Variants in TENM3 observed in about 807,000 individuals in gnomAD.
TENM3 encodes the protein teneurin-3.
In TENM3, 63 loss-of-function variants were observed where a neutral mutation model predicts 255.1. The observed-to-expected ratio is 0.25, with a 90% confidence interval of 0.20 to 0.30. The LOEUF (loss-of-function observed/expected upper bound fraction) is 0.30, where lower values mean the gene tolerates loss of function less well. Ranked by LOEUF, TENM3 falls within the 10% of genes least tolerant of loss-of-function variation. The probability of loss-of-function intolerance (pLI) is 1.00; values close to 1 mark genes in which losing one functional copy is unlikely to be tolerated. For missense variants in TENM3, 2,929 were observed against 3,461.1 expected (o/e 0.85, Z 3.86); for synonymous variants, 1,306 against 1,322.3 (o/e 0.99, Z 0.27).
At chr4:182,651,202 T>C (rs568675957) in intron 5 of TENM3, among the ~76,000 whole-genome samples, 42 of 152,178 alleles carry the variant, frequency 2.8e-4, no homozygotes, top group Non-Finnish European at 5.6e-4. Flanking sequence ...TTTTACTCTA[T>C]GCAAAACTAA....
intron 1 of TENM3, among the ~76,000 whole-genome samples, chr4:182,315,944 CT>C (rs1762726177): frequency 6.6e-6 from 1 of 152,066 alleles, no homozygotes; most frequent in African/African-American, 2.4e-5. Context: ...CTTTAGCCTT[CT>C]TTTTATATAT....
At chr4:181,946,975 A>G in the TENM3 span, among the ~76,000 whole-genome samples, 1 of 152,208 alleles carries the variant, frequency 6.6e-6, no homozygotes, top group Non-Finnish European at 1.5e-5. Context: ...CTGAGTTCAA[A>G]TCCCATGTAA....
At chr4:182,484,988 C>T (rs1341261926) in intron 3 of TENM3, among the ~76,000 whole-genome samples, 3 of 152,106 alleles carry the variant, frequency 2.0e-5, no homozygotes, top group Admixed American at 2.0e-4. Context: ...TAGAAAGATA[C>T]ATAGTACCTT....
intron 3 of TENM3, among the ~76,000 whole-genome samples, chr4:182,585,526 T>C (rs554696454): frequency 6.6e-6 from 1 of 152,258 alleles, no homozygotes; most frequent in Admixed American, 6.5e-5. Context: ...TCCCCTGCTG[T>C]CTGCCTCGCC....
chr4:182,013,999 T>C, the TENM3 span, among the ~76,000 whole-genome samples: 11 of 74,488 alleles, frequency 1.5e-4, no homozygotes, highest in African/African-American at 5.1e-4. Context: ...TATATACACA[T>C]ATATACGTAT....
the TENM3 span, among the ~76,000 whole-genome samples, chr4:181,817,669 G>T: frequency 1.3e-5 from 2 of 152,130 alleles, no homozygotes; most frequent in Admixed American, 1.3e-4. Flanking sequence ...GCTTATAAAA[G>T]GGTCTGATGG....
chr4:181,887,929 C>T, the TENM3 span, among the ~76,000 whole-genome samples: 1 of 152,130 alleles, frequency 6.6e-6, no homozygotes, highest in African/African-American at 2.4e-5. Flanking sequence ...TATATGTACA[C>T]ATGAGAAAAA....
At chr4:182,203,241 G>T (rs189522821) in intron 1 of TENM3, among the ~76,000 whole-genome samples, 1 of 151,356 alleles carries the variant, frequency 6.6e-6, no homozygotes, top group East Asian at 1.9e-4. Flanking sequence ...AAAAAGAAAA[G>T]AAAATGGGCT....
chr4:182,047,064 A>G, the TENM3 span, among the ~76,000 whole-genome samples: 2 of 151,898 alleles, frequency 1.3e-5, no homozygotes, highest in South Asian at 4.2e-4. Context: ...TGTTGAAGTC[A>G]TCTTTCTTGT....
At chr4:181,683,337 C>A in the TENM3 span, among the ~76,000 whole-genome samples, 1 of 152,156 alleles carries the variant, frequency 6.6e-6, no homozygotes, top group African/African-American at 2.4e-5. Context: ...GTCAAGCATT[C>A]TGACCCTAAA....
intron 24 of TENM3, among the ~76,000 whole-genome samples, chr4:182,787,653 G>C (rs1163810657): frequency 1.4e-5 from 2 of 144,332 alleles, no homozygotes; most frequent in African/African-American, 5.1e-5. Context: ...AGAATGGCTT[G>C]AACCCCGGGA....
intron 5 of TENM3, among the ~76,000 whole-genome samples, chr4:182,643,748 T>C (rs1243974058): frequency 6.6e-6 from 1 of 152,218 alleles, no homozygotes; most frequent in African/African-American, 2.4e-5. Flanking sequence ...ACTTAATATG[T>C]TCCTAATGAA....
At chr4:182,321,627 AAATAAT>A (rs569349214) in intron 1 of TENM3, among the ~76,000 whole-genome samples, 2,040 of 150,052 alleles carry the variant, frequency 0.014, 39 homozygotes, top group African/African-American at 0.048. Context: ...CTCTGTCTCA[AAATAAT>A]AATAATAATA....
chr4:181,789,266 AT>A, the TENM3 span, among the ~76,000 whole-genome samples: 1 of 148,030 alleles, frequency 6.8e-6, no homozygotes, highest in Non-Finnish European at 1.5e-5. Context: ...TATTTATTTT[AT>A]TTTTTTGAGA....
chr4:181,461,391 G>A, the TENM3 span, among the ~76,000 whole-genome samples: 2 of 151,796 alleles, frequency 1.3e-5, no homozygotes, highest in Admixed American at 1.3e-4. Context: ...AAATTGATTG[G>A]GTTAATTTGA....
At chr4:181,874,962 T>C in the TENM3 span, among the ~76,000 whole-genome samples, 1 of 152,230 alleles carries the variant, frequency 6.6e-6, no homozygotes, top group Non-Finnish European at 1.5e-5. Flanking sequence ...CATACAGTTA[T>C]TGTATATATC....
At chr4:181,605,532 A>G in the TENM3 span, among the ~76,000 whole-genome samples, 416 of 29,710 alleles carry the variant, frequency 0.014, 35 homozygotes, top group African/African-American at 0.03. Flanking sequence ...GAAAGAAAGA[A>G]AGAAAGAAAG....
intron 3 of TENM3, among the ~76,000 whole-genome samples, chr4:182,573,082 T>G (rs1744569164): frequency 6.6e-6 from 1 of 152,208 alleles, no homozygotes; most frequent in Non-Finnish European, 1.5e-5. Context: ...GCATTCTCCT[T>G]AAACCTCCAG....
chr4:182,175,630 C>T (rs1752435769), intron 1 of TENM3, among the ~76,000 whole-genome samples: 4 of 152,146 alleles, frequency 2.6e-5, no homozygotes. Context: ...TCAGTTTCTT[C>T]CCCTGGTATA....
Sources: gnomAD v4.1 joint callset for allele counts (sites outside exome capture counted in the v4.1 genomes callset) on GRCh38, gnomAD v4.1.1 for gene constraint, MANE v1.5 for transcripts, NCBI Gene and HGNC (gene_info 2026-07-23, HGNC 2026-07-21) for gene names.